The following REXO5 variants were observed in gnomAD, a reference collection of about 807,000 sequenced individuals.
REXO5 encodes RNA exonuclease 5.
Under a neutral mutation model 88.5 loss-of-function variants are expected in REXO5, and 48 were observed. The ratio of observed to expected loss-of-function variants is 0.54; its 90% CI spans 0.43 to 0.69. The LOEUF is 0.69. REXO5 is among the 30% of genes least tolerant of loss of function. The pLI is 0.00. For missense variants in REXO5, 749 were observed against 912.2 expected (o/e 0.82, Z 2.30); for synonymous variants, 311 against 336.5 (o/e 0.92, Z 0.83).
intron 13 of REXO5, among the ~76,000 whole-genome samples, chr16:20,834,272 C>A (rs2081390584): frequency 6.6e-6 from 1 of 152,156 alleles, no homozygotes; most frequent in African/African-American, 2.4e-5. Context: ...TTCTCTATTG[C>A]AGAGTTCTTG....
chr16:20,811,720 A>C (rs927229184), intron 2 of REXO5, among the ~76,000 whole-genome samples: 3 of 152,254 alleles, frequency 2.0e-5, no homozygotes, highest in African/African-American at 7.2e-5. Flanking sequence ...GATTTAATGC[A>C]TGTAAAATGA....
intron 15 of REXO5, among the ~76,000 whole-genome samples, chr16:20,842,046 G>A (rs756296621): frequency 1.3e-5 from 2 of 152,058 alleles, no homozygotes; most frequent in African/African-American, 4.8e-5. Flanking sequence ...CGGGGGTGGC[G>A]GGTAAAATAC....
chr16:20,806,758 G>C (rs1157526960), intron 1 of REXO5, 53 bp downstream of exon 1: 1 of 1,046,062 alleles, frequency 9.6e-7, no homozygotes, highest in Non-Finnish European at 1.4e-6. Context: ...CGGGTGTCCA[G>C]TCCGCGGAAC....
In REXO5 at chr16:20,806,574, C is replaced by A. The variant is rs941063884; in HGVS notation, c.-134C>A. 2 of 1,466,172 alleles carry A rather than the reference C, an allele frequency of 1.4e-6. No individual in the cohort carries two copies. The highest frequency in any genetic ancestry group is 2.3e-5 in the Admixed American group (1 of 42,826). 90.8% of individuals were successfully genotyped at this position (1,466,172 alleles called of 1,614,324 possible). On this transcript the variant is annotated 5_prime_UTR_variant, in exon 1 of 20. Coordinates refer to ENST00000261377, the MANE Select transcript of REXO5 (RefSeq NM_030941.3). ...GAGGGGAGAACCTCTGCTCCCCGCC[C>A]GTCTTCTCTTCTGCGTTTCCCGGGC...
At chr16:20,829,878 A>G (rs1567398588) in intron 11 of REXO5, among the ~76,000 whole-genome samples, 1 of 152,232 alleles carries the variant, frequency 6.6e-6, no homozygotes, top group East Asian at 1.9e-4. Context: ...CTTTTTCTGT[A>G]AAGGCCAACT....
In REXO5 at chr16:20,820,512, T is replaced by TA. The variant is rs2081153446; in HGVS notation, c.476-1250_476-1249insA. On this transcript the variant is annotated intron_variant, in intron 5 of 19. Transcript: ENST00000261377. ...CTTCTGACTAGTCAGTTCTCTCTCT[T>TA]TATATATATATATATATATATATAT... 2.4e-4 allele frequency among the ~76,000 whole-genome samples: 11 copies of TA among 45,698 alleles called. No individual in the cohort carries two copies. In the South Asian group the frequency reaches 0.012, roughly 49 times the overall value. 30.0% of individuals were successfully genotyped at this position (45,698 alleles called of 152,430 possible). A position where few individuals can be genotyped will look rare whatever the true frequency, so the allele number is the denominator to read the frequency against.
intron 10 of REXO5, among the ~76,000 whole-genome samples, chr16:20,828,145 A>G (rs1164837083): frequency 6.6e-6 from 1 of 152,172 alleles, no homozygotes; most frequent in African/African-American, 2.4e-5. Context: ...GGCCTGGTCC[A>G]TTTCTTAGAG....
Position 20,830,161 on chromosome 16 carries a change from A to G in REXO5, c.1158+1624A>G, listed in dbSNP as rs554287404. Among the ~76,000 whole-genome samples, 31 of 152,266 alleles carry G rather than the reference A, an allele frequency of 2.0e-4. 1 individual carries two copies. In the South Asian group the frequency reaches 5.8e-3, roughly 29 times the overall value. On this transcript the variant is annotated intron_variant, in intron 11 of 19. Coordinates refer to ENST00000261377, the MANE Select transcript of REXO5 (RefSeq NM_030941.3). ...CAGTCACTTAGTGGGTGTTAACCCA[A>G]TGACCACTACCAAGGAATATTTATT...
intron 13 of REXO5, among the ~76,000 whole-genome samples, chr16:20,833,940 T>G (rs2081385526): frequency 6.6e-6 from 1 of 152,244 alleles, no homozygotes. Flanking sequence ...ATAGCATGTC[T>G]TTTCCCTTTA....
At chr16:20,841,034 C>CTT (rs909833634) in intron 15 of REXO5, among the ~76,000 whole-genome samples, 1 of 152,006 alleles carries the variant, frequency 6.6e-6, no homozygotes, top group African/African-American at 2.4e-5. Context: ...AGGCTCATGG[C>CTT]TTGCTTGGTT....
chr16:20,835,998 C>T (rs113213900), intron 13 of REXO5, among the ~76,000 whole-genome samples: 2,374 of 152,194 alleles, frequency 0.016, 18 homozygotes, highest in Non-Finnish European at 0.023. Context: ...GACGTATGAT[C>T]GCACTACTGC....
At chr16:20,832,052 A>G in intron 11 of REXO5, 104 bp from the exon 12 acceptor site, 2 of 726,232 alleles carry the variant, frequency 2.8e-6, no homozygotes, top group East Asian at 2.7e-5. Context: ...ACATTATTCA[A>G]GTGGATTTTT....
At chr16:20,840,034 T>C (rs947823885) in intron 14 of REXO5, 175 bp downstream of exon 14, 2 of 568,738 alleles carry the variant, frequency 3.5e-6, no homozygotes, top group Non-Finnish European at 3.1e-6. Context: ...CTATGCATAC[T>C]GTTTTGCAAC....
Position 20,844,623 on chromosome 16 carries a change from G to C in REXO5, c.1720-6G>C. On this transcript the variant is annotated splice_polypyrimidine_tract_variant and splice_region_variant and intron_variant, in intron 16 of 19. Transcript: ENST00000261377. ...TCTACCACTAACACCAACTTTCCTT[G>C]GTTAGGTGCAGAGGCCTGTGACAGA... 6.2e-7 allele frequency: 1 copy of C among 1,613,560 alleles called. No individual in the cohort carries two copies. Among genetic ancestry groups the C allele is most frequent in the Non-Finnish European group, 8.5e-7 (1 of 1,179,632 alleles).
At chr16:20,813,409 C>A in intron 3 of REXO5, 107 bp downstream of exon 3, 1 of 650,842 alleles carries the variant, frequency 1.5e-6, no homozygotes, top group Non-Finnish European at 2.5e-6. Context: ...TTCAAACTGG[C>A]TTATCGACAG....
chr16:20,845,096 T>G lies in REXO5; in HGVS notation c.1979T>G (p.Leu660Arg). 1 of 1,614,070 alleles carries G rather than the reference T, an allele frequency of 6.2e-7. No individual in the cohort carries two copies. The highest frequency in any genetic ancestry group is 8.5e-7 in the Non-Finnish European group (1 of 1,180,000). Residue 660 changes from leucine (L) to arginine (R), a missense_variant, in exon 18 of 20, where the codon CTC becomes CGC. By Grantham distance (102) the Leu-to-Arg change is moderately radical. Transcript: ENST00000261377. ...FGSAQQALNI[L>R]TGKDWKLKGR... ...AGTGCCCAGCAGGCCCTCAACATTC[T>G]CACAGGCAAGGACTGGAAGCTGAAA...
chr16:20,830,800 T>G (rs1408134311), intron 11 of REXO5, among the ~76,000 whole-genome samples: 1 of 152,152 alleles, frequency 6.6e-6, no homozygotes, highest in Non-Finnish European at 1.5e-5. Flanking sequence ...GTGGTCTTCC[T>G]GTACCCTTTT....
chr16:20,809,064 T>G (rs1465569192), intron 2 of REXO5, among the ~76,000 whole-genome samples: 1 of 152,114 alleles, frequency 6.6e-6, no homozygotes, highest in Non-Finnish European at 1.5e-5. Flanking sequence ...CCAGTTTTTT[T>G]GCCTATCAAA....
At chr16:20,820,204 C>T (rs2081147669) in intron 5 of REXO5, among the ~76,000 whole-genome samples, 1 of 152,072 alleles carries the variant, frequency 6.6e-6, no homozygotes, top group South Asian at 2.1e-4. Flanking sequence ...AACTTTGTTT[C>T]CTATGCTCAT....
Sources: allele counts gnomAD v4.1 joint callset (sites outside exome capture counted in the v4.1 genomes callset), GRCh38; gene constraint gnomAD v4.1.1; transcripts MANE v1.5; gene names NCBI Gene and HGNC (gene_info 2026-07-23, HGNC 2026-07-21).